The following EFCAB12 variants were observed in gnomAD, a reference collection of about 807,000 sequenced individuals.
EFCAB12 encodes the protein EF-hand calcium-binding domain-containing protein 12.
In EFCAB12, 43 loss-of-function variants were observed where a neutral mutation model predicts 53.6. The ratio of observed to expected loss-of-function variants is 0.80; its 90% CI spans 0.63 to 1.03. The LOEUF (loss-of-function observed/expected upper bound fraction) is 1.03, where lower values mean the gene tolerates loss of function less well. Among genes scored for constraint, EFCAB12 ranks in the 50% least tolerant of loss-of-function variants. EFCAB12 has a pLI of 0.00. For missense variants in EFCAB12, 646 were observed against 730.6 expected, an observed-to-expected ratio of 0.88 and a Z score of 1.34; for synonymous variants, 269 against 289.2, an observed-to-expected ratio of 0.93 and a Z score of 0.71.
At chr3:129,409,340 G>A (rs919374798) in intron 5 of EFCAB12, among the ~76,000 whole-genome samples, 2 of 152,172 alleles carry the variant, frequency 1.3e-5, no homozygotes, top group Admixed American at 6.5e-5. Context: ...CTTCTCAGGA[G>A]GCTGAGGTGG....
intron 6 of EFCAB12, among the ~76,000 whole-genome samples, chr3:129,408,375 C>G (rs1656352912): frequency 6.6e-6 from 1 of 152,224 alleles, no homozygotes; most frequent in African/African-American, 2.4e-5. Context: ...TTTTGGTTCA[C>G]CAAGCTCAGG....
chr3:129,421,055 G>A (rs544740041), intron 2 of EFCAB12, among the ~76,000 whole-genome samples: 5 of 152,266 alleles, frequency 3.3e-5, no homozygotes, highest in Non-Finnish European at 5.9e-5. Context: ...TCAGATGACT[G>A]TGGCCCAGGC....
intron 8 of EFCAB12, 119 bp from the exon 9 acceptor site, chr3:129,401,970 A>G: frequency 1.5e-6 from 2 of 1,358,878 alleles, no homozygotes; most frequent in East Asian, 2.5e-5. Flanking sequence ...CAAGCACTTC[A>G]GCACCTCAGT....
At chr3:129,427,403 T>A (rs564536713) in intron 1 of EFCAB12, among the ~76,000 whole-genome samples, 34 of 152,298 alleles carry the variant, frequency 2.2e-4, no homozygotes, top group Non-Finnish European at 4.1e-4. Context: ...GACATCTCCA[T>A]CTACCAGGTC....
chr3:129,420,587 G>T (rs2072176161), intron 2 of EFCAB12, among the ~76,000 whole-genome samples: 1 of 152,160 alleles, frequency 6.6e-6, no homozygotes, highest in South Asian at 2.1e-4. Context: ...ACAATAGCTT[G>T]CTACATGGAA....
intron 1 of EFCAB12, among the ~76,000 whole-genome samples, chr3:129,426,087 T>C (rs1421211455): frequency 6.6e-6 from 1 of 152,202 alleles, no homozygotes; most frequent in African/African-American, 2.4e-5. Flanking sequence ...GCTCTTGGCT[T>C]GATTCAATCT....
In EFCAB12 at chr3:129,401,619, C is replaced by T. The variant is rs2071871058; in HGVS notation, c.1693G>A (p.Ala565Thr). The T allele has an allele frequency of 3.2e-6, 5 of 1,565,240 alleles. No individual in the cohort carries two copies. Among genetic ancestry groups the T allele is most frequent in the Admixed American group, 1.9e-5 (1 of 53,074 alleles). Residue 565 changes from alanine (A) to threonine (T), a missense_variant, in exon 9 of 9, where the codon GCC becomes ACC. By Grantham distance (58) the Ala-to-Thr change is moderately conservative (BLOSUM62 0). Coordinates refer to ENST00000505956, the MANE Select transcript of EFCAB12 (RefSeq NM_207307.3). The part of the protein sequence containing the change: ...KNYMTHAHYD[A>T]AKVYYIN ...TAGTTGATGTAGTACACCTTGGCGGCATCATAATGGGCGTGGGTCATGTAG... is the reference window on the plus strand; with the variant it reads ...TAGTTGATGTAGTACACCTTGGCGGTATCATAATGGGCGTGGGTCATGTAG...
intron 1 of EFCAB12, among the ~76,000 whole-genome samples, chr3:129,427,008 C>A (rs895121509): frequency 6.6e-6 from 1 of 151,630 alleles, no homozygotes; most frequent in African/African-American, 2.4e-5. Flanking sequence ...CCACCATGCC[C>A]GGCTAATTTT....
chr3:129,416,688 C>T (rs1341547576), intron 3 of EFCAB12, among the ~76,000 whole-genome samples: 1 of 152,198 alleles, frequency 6.6e-6, no homozygotes, highest in Admixed American at 6.5e-5. Flanking sequence ...CTTGCTCTGT[C>T]ACCCAGGCTG....
rs771676336 is a variant in EFCAB12 at position 129,402,447 on chromosome 3, G to A, written c.1460+76C>T. The stretch of plus-strand genomic sequence containing the variant: ...CCCCAGCTGTTGTGCCAGGAGTGCA[G>A]AGTCCCAGTTGTCTCAGGCGAAGCT... On this transcript the variant is annotated intron_variant, in intron 8 of 8. Transcript: ENST00000505956. 127 of 1,489,808 alleles carry A rather than the reference G, an allele frequency of 8.5e-5. 1 individual carries two copies. The highest frequency in any genetic ancestry group is 2.3e-4 in the South Asian group (19 of 83,738). The allele number at this position is 1,489,808 out of a possible 1,614,324, so 92.3% of individuals were successfully genotyped here. A position where few individuals can be genotyped will look rare whatever the true frequency, so the allele number is the denominator to read the frequency against.
chr3:129,426,368 T>TTTTTTTTTTTTTTTTTTTTTTG, intron 1 of EFCAB12, among the ~76,000 whole-genome samples: 1 of 133,552 alleles, frequency 7.5e-6, no homozygotes, highest in African/African-American at 3.1e-5. Flanking sequence ...TGTTTTTTTT[T>TTTTTTTTTTTTTTTTTTTTTTG]TTTTTTTTTT....
intron 7 of EFCAB12, chr3:129,403,054 C>T (rs1473814816): frequency 6.2e-6 from 1 of 161,530 alleles, no homozygotes; most frequent in African/African-American, 2.4e-5. Context: ...TCTTTCCCAC[C>T]CAGCCTCCAT....
intron 2 of EFCAB12, among the ~76,000 whole-genome samples, chr3:129,419,575 C>G (rs2072164540): frequency 6.6e-6 from 1 of 152,144 alleles, no homozygotes; most frequent in South Asian, 2.1e-4. Context: ...GCTAGAAAAG[C>G]CAGTTTGGCT....
chr3:129,422,183 C>T (rs566685726), intron 1 of EFCAB12, among the ~76,000 whole-genome samples: 1 of 152,312 alleles, frequency 6.6e-6, no homozygotes, highest in East Asian at 1.9e-4. Context: ...CTGGCCCTGC[C>T]ACCTACTGGC....
At chr3:129,424,978 T>C (rs987313100) in intron 1 of EFCAB12, among the ~76,000 whole-genome samples, 4 of 152,062 alleles carry the variant, frequency 2.6e-5, no homozygotes, top group Non-Finnish European at 5.9e-5. Flanking sequence ...TCTGGCTTCA[T>C]GGGGTGGAGG....
intron 3 of EFCAB12, among the ~76,000 whole-genome samples, chr3:129,417,530 A>C (rs1410426055): frequency 6.6e-6 from 1 of 152,164 alleles, no homozygotes; most frequent in Non-Finnish European, 1.5e-5. Flanking sequence ...AACTCTATTT[A>C]AAAAACAGGA....
At chr3:129,406,973 G>C (rs2107736265) in intron 6 of EFCAB12, among the ~76,000 whole-genome samples, 1 of 151,882 alleles carries the variant, frequency 6.6e-6, no homozygotes, top group Admixed American at 6.6e-5. Flanking sequence ...CTATCCTCCT[G>C]CCTTGGCCTC....
intron 3 of EFCAB12, among the ~76,000 whole-genome samples, chr3:129,416,412 C>T (rs995348910): frequency 2.7e-5 from 4 of 147,778 alleles, no homozygotes; most frequent in East Asian, 1.9e-4. Flanking sequence ...AACGAAGCTC[C>T]GTCTCAAAAC....
chr3:129,426,578 A>G (rs998764564), intron 1 of EFCAB12, among the ~76,000 whole-genome samples: 20 of 151,334 alleles, frequency 1.3e-4, no homozygotes, highest in African/African-American at 4.6e-4. Flanking sequence ...GTTAGCCAGG[A>G]TGGTCTCGAT....
Sources: allele counts gnomAD v4.1 joint callset (sites outside exome capture counted in the v4.1 genomes callset), GRCh38; gene constraint gnomAD v4.1.1; transcripts MANE v1.5; gene names NCBI Gene and HGNC (gene_info 2026-07-23, HGNC 2026-07-21).